Variants in WNK2 observed in about 807,000 individuals in gnomAD.
The protein encoded by WNK2 is WNK lysine deficient protein kinase 2, also known as serine/threonine-protein kinase WNK2.
In WNK2, 67 loss-of-function variants were observed where a neutral mutation model predicts 192.1. The observed-to-expected ratio is 0.35, with a 90% CI of 0.29 to 0.43. WNK2 has a LOEUF of 0.43. WNK2 is among the 20% of genes least tolerant of loss of function. WNK2 has a pLI of 1.00. For missense variants in WNK2, 2,698 were observed against 3,089.7 expected, an observed-to-expected ratio of 0.87 and a Z score of 3.01; for synonymous variants, 1,439 against 1,393.9, an observed-to-expected ratio of 1.03 and a Z score of -0.72.
At position 93,261,861 on chromosome 9, in the gene WNK2, G is replaced by A. The variant is rs558340161; in HGVS notation, c.3114G>A (p.Gln1038=). 1.3e-6 allele frequency: 2 copies of A among 1,599,868 alleles called. No homozygotes were observed. The highest frequency in any genetic ancestry group is 1.7e-5 in the Admixed American group (1 of 59,980). Residue 1038 remains glutamine, a synonymous_variant, in exon 13 of 30, where the codon CAG becomes CAA. Coordinates refer to ENST00000427277, the MANE Select transcript of WNK2 (RefSeq NM_006648.4). ...PAPYAVDVAA[Q]VPTVPVPPAA... Reference sequence around the variant, plus strand: ...CCTATGCTGTGGACGTCGCCGCTCAGGTCCCCACCGTGCCTGTGCCACCGG... The same window carrying A: ...CCTATGCTGTGGACGTCGCCGCTCAAGTCCCCACCGTGCCTGTGCCACCGG...
At chr9:93,186,575 G>T (rs999405512) in intron 2 of WNK2, among the ~76,000 whole-genome samples, 21 of 152,362 alleles carry the variant, frequency 1.4e-4, no homozygotes, top group African/African-American at 5.0e-4. Context: ...TGGCTGTCCA[G>T]TCCAGGCCTG....
At chr9:93,248,426 G>A (rs1842090087) in intron 8 of WNK2, among the ~76,000 whole-genome samples, 1 of 152,276 alleles carries the variant, frequency 6.6e-6, no homozygotes, top group Non-Finnish European at 1.5e-5. Flanking sequence ...CTGTGCTATG[G>A]ATCTGTGGAT....
intron 21 of WNK2, among the ~76,000 whole-genome samples, chr9:93,291,919 G>GT (rs1849427535): frequency 6.6e-6 from 1 of 152,176 alleles, no homozygotes; most frequent in Non-Finnish European, 1.5e-5. Context: ...GAGCAGGGCT[G>GT]GAACCCAGCC....
chr9:93,191,082 G>A (rs1365018209), intron 2 of WNK2, among the ~76,000 whole-genome samples: 1 of 152,120 alleles, frequency 6.6e-6, no homozygotes, highest in Non-Finnish European at 1.5e-5. Context: ...CTTGGTGGCA[G>A]TGCCACGACT....
Position 93,263,547 on chromosome 9 carries a change from G to A in WNK2, c.3411-19G>A. The A allele has an allele frequency of 6.2e-7, 1 of 1,610,498 alleles. No individual in the cohort carries two copies. The highest frequency in any genetic ancestry group is 8.5e-7 in the Non-Finnish European group (1 of 1,178,906). The stretch of plus-strand genomic sequence containing the variant: ...CTGGTTGTCCTTTGGTGCCATTAAT[G>A]TTCTTGGGTTTTGCTCAGCTATGGA... On this transcript the variant is annotated intron_variant, in intron 14 of 29. Transcript: ENST00000427277.
At chr9:93,203,490 G>A (rs1832842565) in intron 2 of WNK2, among the ~76,000 whole-genome samples, 2 of 152,236 alleles carry the variant, frequency 1.3e-5, no homozygotes, top group South Asian at 2.1e-4. Context: ...CAGGTTGGGA[G>A]GGAGCCTGTG....
In WNK2 at chr9:93,239,472, G is replaced by C. The variant is rs1588114897; in HGVS notation, c.1323-285G>C. 6.6e-6 allele frequency among the ~76,000 whole-genome samples: 1 copy of C among 152,102 alleles called. No individual in the cohort carries two copies. The highest frequency in any genetic ancestry group is 2.4e-5 in the African/African-American group (1 of 41,392). On this transcript the variant is annotated intron_variant, in intron 6 of 29. Coordinates refer to ENST00000427277, the MANE Select transcript of WNK2 (RefSeq NM_006648.4). The surrounding 1 kb of genome is among the most constrained non-coding windows in gnomAD (Gnocchi z 4.2). Reference sequence around the variant, plus strand: ...AGGGGCTGTATTTGCATAATGGGAGGCCTAATGTTTTTCCAAATCCTCTTT... The same window carrying C: ...AGGGGCTGTATTTGCATAATGGGAGCCCTAATGTTTTTCCAAATCCTCTTT...
chr9:93,202,362 G>GTA (rs1420522936), intron 2 of WNK2, among the ~76,000 whole-genome samples: 7 of 148,456 alleles, frequency 4.7e-5, no homozygotes, highest in East Asian at 2.0e-4. Context: ...GTGTGTGTGT[G>GTA]TGTGTATGTC....
At chr9:93,252,170 T>G (rs867635694) in intron 8 of WNK2, among the ~76,000 whole-genome samples, 4 of 152,338 alleles carry the variant, frequency 2.6e-5, no homozygotes, top group African/African-American at 9.6e-5. Context: ...GCTGAAGATG[T>G]TCCCAGGCAC....
At chr9:93,261,359 A>G (rs1844205756) in intron 12 of WNK2, among the ~76,000 whole-genome samples, 1 of 152,228 alleles carries the variant, frequency 6.6e-6, no homozygotes, top group African/African-American at 2.4e-5. Context: ...AGAGACGAGA[A>G]CAGTGAGAAA....
intron 26 of WNK2, among the ~76,000 whole-genome samples, chr9:93,303,444 G>A (rs1851952269): frequency 6.6e-6 from 1 of 152,228 alleles, no homozygotes; most frequent in Non-Finnish European, 1.5e-5. Flanking sequence ...GCTGCAGCAT[G>A]TTTGGCTCAG....
At chr9:93,226,866 G>T (rs1837908123) in intron 2 of WNK2, among the ~76,000 whole-genome samples, 1 of 152,108 alleles carries the variant, frequency 6.6e-6, no homozygotes, top group Non-Finnish European at 1.5e-5. Context: ...CATTCACCTG[G>T]CCCCAAATGT....
intron 2 of WNK2, among the ~76,000 whole-genome samples, chr9:93,209,388 T>C (rs1184624318): frequency 1.3e-5 from 2 of 152,080 alleles, no homozygotes; most frequent in African/African-American, 4.8e-5. Context: ...TTGCTCTCCA[T>C]TGGGGTGACA....
chr9:93,240,814 A>G (rs1840641932), intron 7 of WNK2, among the ~76,000 whole-genome samples: 1 of 152,210 alleles, frequency 6.6e-6, no homozygotes. Flanking sequence ...GCCACTGCCC[A>G]CATGTGCTAT....
At chr9:93,304,696 G>A (rs796652547) in intron 26 of WNK2, among the ~76,000 whole-genome samples, 3 of 152,236 alleles carry the variant, frequency 2.0e-5, no homozygotes, top group African/African-American at 7.2e-5. Context: ...TGAGGGGCAG[G>A]GCCCAATCGA....
In WNK2 at chr9:93,264,061, C is replaced by T. The variant is rs755844386; in HGVS notation, c.3696+28C>T. 24 of 1,561,970 alleles carry T rather than the reference C, an allele frequency of 1.5e-5. No individual in the cohort carries two copies. The Admixed American group carries it at 3.3e-4, about 22-fold the overall frequency. On this transcript the variant is annotated intron_variant, in intron 16 of 29. Coordinates refer to ENST00000427277, the MANE Select transcript of WNK2 (RefSeq NM_006648.4). ...GAGGCTGGGTCTGGGTGGCTTGGCT[C>T]CCGGTGTTTCTTGGACACGTGTGGG...
chr9:93,188,579 G>A (rs1191564913), intron 2 of WNK2, among the ~76,000 whole-genome samples: 1 of 152,174 alleles, frequency 6.6e-6, no homozygotes, highest in Non-Finnish European at 1.5e-5. Context: ...ACACATTATG[G>A]TAACAAGGAA....
chr9:93,185,389 G>C lies in WNK2; in HGVS notation c.460G>C (p.Glu154Gln). 1.9e-6 allele frequency: 3 copies of C among 1,599,264 alleles called. No individual in the cohort carries two copies. The highest frequency in any genetic ancestry group is 1.7e-6 in the Non-Finnish European group (2 of 1,174,344). ...GGAGGCGGCGGCGACCGTGAGGAAG[G>C]AGGATGAGGGGGCGGCCGAGGCGAA... ...REEAAATVRK[E>Q]DEGAAEAKPE... Residue 154 changes from glutamate to glutamine, a missense_variant, in exon 2 of 30, where the codon GAG (glutamate) becomes CAG (glutamine). Transcript: ENST00000427277.
rs535604277 is a variant in WNK2, at chr9:93,293,030, C to T, written c.5565C>T (p.Pro1855=). 1.5e-4 allele frequency: 244 copies of T among 1,606,162 alleles called. 1 individual carries two copies. The East Asian group carries it at 4.5e-3, about 30-fold the overall frequency. ...QRPSRAGSLG[P]ETPSRVGMKV... ...CTTCTCGGGCCGGCTCGCTGGGCCC[C>T]GAGACACCCAGCAGGGTGGGCATGA... is the stretch of plus-strand genomic sequence containing the variant. Residue 1855 remains proline, a synonymous_variant, in exon 23 of 30, where the codon CCC becomes CCT. Coordinates refer to ENST00000427277, the MANE Select transcript of WNK2 (RefSeq NM_006648.4).
Sources: gnomAD v4.1 joint callset for allele counts (sites outside exome capture counted in the v4.1 genomes callset) on GRCh38, gnomAD v4.1.1 for gene constraint, Gnocchi (gnomAD v3.1) non-coding constraint, MANE v1.5 for transcripts, NCBI Gene and HGNC (gene_info 2026-07-23, HGNC 2026-07-21) for gene names.